Variants in NECAB1 observed in about 807,000 individuals in gnomAD.
The protein encoded by NECAB1 is N-terminal EF-hand calcium-binding protein 1.
In NECAB1, 29 loss-of-function variants were observed where a neutral mutation model predicts 57.5. The observed-to-expected ratio is 0.50, with a 90% CI of 0.38 to 0.69. NECAB1 has a LOEUF of 0.69. Among genes scored for constraint, NECAB1 ranks in the 30% least tolerant of loss-of-function variants. NECAB1 has a pLI of 0.00. For missense variants in NECAB1, 372 were observed against 413.8 expected (o/e 0.90, Z 0.88); for synonymous variants, 142 against 147.7 (o/e 0.96, Z 0.28).
chr8:90,874,549 T>C (rs1586075439), intron 4 of NECAB1, among the ~76,000 whole-genome samples: 2 of 152,326 alleles, frequency 1.3e-5, no homozygotes, highest in Admixed American at 1.3e-4. Context: ...CCAGACATTA[T>C]TATGTGTATA....
intron 10 of NECAB1, among the ~76,000 whole-genome samples, chr8:90,943,414 G>T: frequency 1.3e-5 from 2 of 152,138 alleles, no homozygotes; most frequent in Admixed American, 1.3e-4. Context: ...ATATCAGATG[G>T]AATGAGCCTC....
rs148698874 is a variant in NECAB1, at chr8:90,840,050, T to A, written c.233+15225T>A. 1.3e-3 allele frequency among the ~76,000 whole-genome samples: 196 copies of A among 152,342 alleles called. 3 individuals carry two copies. Among genetic ancestry groups the A allele is most frequent in the African/African-American group, 4.2e-3 (176 of 41,580 alleles). Reference sequence around the variant, plus strand: ...CTTTCTGATTTTGCCTAAATCTTTCTGATCTGGAAAGCTTTTGAATAAGAA... The same window carrying A: ...CTTTCTGATTTTGCCTAAATCTTTCAGATCTGGAAAGCTTTTGAATAAGAA... On this transcript the variant is annotated intron_variant, in intron 3 of 12. Transcript: ENST00000417640.
At chr8:90,835,617 C>T (rs190700286) in intron 3 of NECAB1, among the ~76,000 whole-genome samples, 290 of 152,166 alleles carry the variant, frequency 1.9e-3, no homozygotes, top group Non-Finnish European at 3.6e-3. Context: ...CATTTGCTTT[C>T]TCCAAATTTC....
At chr8:90,909,762 T>A (rs2631032) in intron 5 of NECAB1, among the ~76,000 whole-genome samples, 1 of 151,870 alleles carries the variant, frequency 6.6e-6, no homozygotes, top group Admixed American at 6.6e-5. Flanking sequence ...AGCAATTTTA[T>A]GAAAATATGT....
rs1248928629 is a variant in NECAB1 at position 90,848,400 on chromosome 8, C to A, written c.233+23575C>A. Among the ~76,000 whole-genome samples the A allele has an allele frequency of 4.6e-5, 7 of 152,182 alleles. 1 individual carries two copies. The highest frequency in any genetic ancestry group is 3.3e-4 in the Admixed American group (5 of 15,280). On this transcript the variant is annotated intron_variant, in intron 3 of 12. Transcript: ENST00000417640. Reference sequence around the variant, plus strand: ...TGTCTTCCTCTGAGCCATCCAAACTCTTACAACTTCTGCCTGTTCCCCAGT... The same window carrying A: ...TGTCTTCCTCTGAGCCATCCAAACTATTACAACTTCTGCCTGTTCCCCAGT...
chr8:90,793,497 G>T (rs1226424226), intron 1 of NECAB1, among the ~76,000 whole-genome samples: 3 of 152,148 alleles, frequency 2.0e-5, no homozygotes, highest in Non-Finnish European at 4.4e-5. Context: ...TCAGTCAGAT[G>T]GTATTATTGG....
At chr8:90,824,894 G>C (rs1345259974) in intron 3 of NECAB1, 69 bp downstream of exon 3, 1 of 770,844 alleles carries the variant, frequency 1.3e-6, no homozygotes, top group Admixed American at 2.9e-5. Context: ...TCATGTCCAG[G>C]AAGAAGAAAG....
chr8:90,864,324 GAAGGAAAC>G (rs1381862658), intron 3 of NECAB1, among the ~76,000 whole-genome samples: 1 of 91,262 alleles, frequency 1.1e-5, no homozygotes, highest in Non-Finnish European at 1.8e-5. Context: ...AAGGTGGAAG[GAAGGAAAC>G]AAGGAAGAGA....
intron 5 of NECAB1, among the ~76,000 whole-genome samples, chr8:90,894,965 A>C (rs2631014): frequency 0.29 from 44,626 of 151,952 alleles, 7,229 homozygotes; most frequent in East Asian, 0.6. Flanking sequence ...TGACAACCAA[A>C]TCAATAGTTT....
At chr8:90,852,282 G>A (rs945157060) in intron 3 of NECAB1, among the ~76,000 whole-genome samples, 14 of 152,016 alleles carry the variant, frequency 9.2e-5, no homozygotes, top group African/African-American at 2.4e-4. Context: ...ACCACTCATC[G>A]AGGCCCTGAA....
At chr8:90,912,742 G>T (rs34649228) in intron 5 of NECAB1, among the ~76,000 whole-genome samples, 1 of 152,008 alleles carries the variant, frequency 6.6e-6, no homozygotes, top group African/African-American at 2.4e-5. Flanking sequence ...AAAAAAAAAT[G>T]TGCCATTTAA....
intron 2 of NECAB1, among the ~76,000 whole-genome samples, chr8:90,824,263 A>T (rs1309573851): frequency 6.6e-6 from 1 of 151,868 alleles, no homozygotes; most frequent in Non-Finnish European, 1.5e-5. Flanking sequence ...GAATGGACAT[A>T]GTTTGTTAGA....
At chr8:90,805,524 A>G (rs62528307) in intron 2 of NECAB1, among the ~76,000 whole-genome samples, 2 of 151,400 alleles carry the variant, frequency 1.3e-5, no homozygotes, top group Non-Finnish European at 2.9e-5. Context: ...TTTTTTTTTA[A>G]TCATAGGCTA....
rs950472948 is a variant in NECAB1, at chr8:90,881,034, A to T, written c.261A>T (p.Glu87Asp). The T allele has an allele frequency of 6.3e-7, 1 of 1,584,302 alleles. No individual in the cohort carries two copies. The highest frequency in any genetic ancestry group is 8.6e-7 in the Non-Finnish European group (1 of 1,165,002). ...TNNLDTEELC[E>D]YFSQHLGEYE... is the part of the protein sequence containing the mutation. ...TATTTCAATATTTTCATTTTTCAGA[A>T]TATTTTTCTCAGCACTTGGGCGAGT... The change falls in exon 5 of 13, where the codon GAA becomes GAT. Residue 87 changes from glutamate (E) to aspartate (D), a missense_variant and splice_region_variant. Glu to Asp is a conservative substitution (Grantham distance 45, BLOSUM62 2). Transcript: ENST00000417640.
At chr8:90,851,943 C>A (rs1812691021) in intron 3 of NECAB1, among the ~76,000 whole-genome samples, 1 of 152,116 alleles carries the variant, frequency 6.6e-6, no homozygotes, top group Admixed American at 6.5e-5. Flanking sequence ...CCCTCCCCAC[C>A]CCCAACCCCA....
chr8:90,921,862 G>T (rs147181327), intron 6 of NECAB1, among the ~76,000 whole-genome samples: 1 of 152,172 alleles, frequency 6.6e-6, no homozygotes, highest in Non-Finnish European at 1.5e-5. Flanking sequence ...TATCAGCCCC[G>T]GGGAGAATCA....
At chr8:90,904,123 C>T (rs1264946947) in intron 5 of NECAB1, among the ~76,000 whole-genome samples, 1 of 152,086 alleles carries the variant, frequency 6.6e-6, no homozygotes, top group Admixed American at 6.6e-5. Flanking sequence ...GAGGGGAAAG[C>T]CTCAAGCCAA....
chr8:90,793,309 T>C (rs1196245753), intron 1 of NECAB1, among the ~76,000 whole-genome samples: 1 of 152,186 alleles, frequency 6.6e-6, no homozygotes, highest in Admixed American at 6.5e-5. Context: ...GAGGTTCAAC[T>C]GTGTGTACTG....
In NECAB1 at chr8:90,917,639, T is replaced by C; in HGVS notation, c.494+11T>C. 4 of 1,602,604 alleles carry C rather than the reference T, an allele frequency of 2.5e-6. No homozygotes were observed. Among genetic ancestry groups the C allele is most frequent in the Non-Finnish European group, 3.4e-6 (4 of 1,173,594 alleles). On this transcript the variant is annotated intron_variant, in intron 6 of 12. Transcript: ENST00000417640. ...AACCCGTCAAGAAAGGCAATTTACA[T>C]GTTTTCATCTGATGTCTATTTAGTG...
Sources: allele counts gnomAD v4.1 joint callset (sites outside exome capture counted in the v4.1 genomes callset), GRCh38; gene constraint gnomAD v4.1.1; transcripts MANE v1.5; gene names NCBI Gene and HGNC (gene_info 2026-07-23, HGNC 2026-07-21).